The following FPR3 variants were observed in gnomAD, a reference collection of about 807,000 sequenced individuals.
The protein encoded by FPR3 is N-formyl peptide receptor 3.
For missense variants in FPR3, 346 were observed against 443.2 expected, an observed-to-expected ratio of 0.78 and a Z score of 1.97; for synonymous variants, 135 against 163.6, an observed-to-expected ratio of 0.83 and a Z score of 1.34.
At chr19:51,809,947 TGC>T (rs1380877182) in intron 1 of FPR3, among the ~76,000 whole-genome samples, 18 of 151,966 alleles carry the variant, frequency 1.2e-4, no homozygotes, top group Non-Finnish European at 1.8e-4. Context: ...AGCAGGGGGG[TGC>T]CATTCTGATG....
chr19:51,798,206 C>A (rs2084010906), intron 1 of FPR3, among the ~76,000 whole-genome samples: 2 of 152,066 alleles, frequency 1.3e-5, no homozygotes. Context: ...TACAGTGACA[C>A]CCAACTGGCA....
chr19:51,795,500 C>CTTTTTT (rs1568425551), intron 1 of FPR3, among the ~76,000 whole-genome samples, 169 bp downstream of exon 1: 2 of 61,084 alleles, frequency 3.3e-5, no homozygotes, highest in Admixed American at 1.7e-4. Context: ...GTTCCAGTAA[C>CTTTTTT]ATTCTTTTTT....
intron 1 of FPR3, among the ~76,000 whole-genome samples, chr19:51,813,005 G>A (rs112658537): frequency 0.026 from 3,892 of 151,920 alleles, 164 homozygotes; most frequent in African/African-American, 0.089. Context: ...TGTAGTTCTA[G>A]CTACTGGGGA....
chr19:51,795,504 CTTTTTTTT>C (rs58620565), intron 1 of FPR3, among the ~76,000 whole-genome samples, 173 bp downstream of exon 1: 16 of 74,740 alleles, frequency 2.1e-4, no homozygotes, highest in South Asian at 1.9e-3. Context: ...CAGTAACATT[CTTTTTTTT>C]TTTTTTTTTT....
intron 1 of FPR3, among the ~76,000 whole-genome samples, chr19:51,800,535 G>A (rs978977326): frequency 5.3e-5 from 8 of 152,166 alleles, no homozygotes; most frequent in Admixed American, 1.3e-4. Context: ...ATGATGAGGC[G>A]GTTTGGCACT....
rs754439930 is a variant in FPR3 at position 51,824,001 on chromosome 19, G to A, written c.253G>A (p.Val85Ile). 6.2e-7 allele frequency: 1 copy of A among 1,614,118 alleles called. No individual in the cohort carries two copies. Among genetic ancestry groups the A allele is most frequent in the African/African-American group, 1.3e-5 (1 of 75,034 alleles). ...CATCCTACCATTCCGAATGGTCTCA[G>A]TCGCCATGAGAGAAAAATGGCCTTT... ...SAILPFRMVS[V>I]AMREKWPFGS... is the part of the protein sequence containing the mutation. The change falls in exon 2 of 2, where the codon GTC (valine) becomes ATC (isoleucine). Residue 85 changes from valine to isoleucine, a missense_variant. Physicochemically the swap from Val to Ile is conservative, Grantham distance 29 (BLOSUM62 3). Coordinates refer to ENST00000339223, the MANE Select transcript of FPR3 (RefSeq NM_002030.5). This position sits in a 1 kb window ranked among gnomAD's most constrained non-coding sequence, Gnocchi z 4.7.
intron 1 of FPR3, among the ~76,000 whole-genome samples, chr19:51,818,748 G>T (rs2084164359): frequency 6.6e-6 from 1 of 152,202 alleles, no homozygotes; most frequent in African/African-American, 2.4e-5. Context: ...CATGGGTCCA[G>T]CACAGTGTGT....
chr19:51,800,771 C>T (rs191664535), intron 1 of FPR3, among the ~76,000 whole-genome samples: 38 of 151,964 alleles, frequency 2.5e-4, no homozygotes, highest in Admixed American at 7.9e-4. Flanking sequence ...TTTTTGGTAA[C>T]AATGTGTAAA....
chr19:51,802,705 T>G (rs1266402037), intron 1 of FPR3, among the ~76,000 whole-genome samples: 1 of 152,194 alleles, frequency 6.6e-6, no homozygotes, highest in Non-Finnish European at 1.5e-5. Flanking sequence ...TGCTGTCACC[T>G]TTTTGTATCT....
intron 1 of FPR3, among the ~76,000 whole-genome samples, chr19:51,807,941 T>C (rs2084071140): frequency 2.0e-5 from 3 of 152,376 alleles, no homozygotes; most frequent in African/African-American, 7.2e-5. Flanking sequence ...TTTGATTAGA[T>C]AGAAAGAACC....
chr19:51,805,334 C>G (rs1471703168), intron 1 of FPR3: 1 of 152,166 alleles, frequency 6.6e-6, no homozygotes, highest in Admixed American at 6.5e-5. Flanking sequence ...TTAGATAGGT[C>G]CAAGGGTTGA....
chr19:51,823,126 G>C lies in FPR3; in HGVS notation c.-10-613G>C, dbSNP rs546278431. On this transcript the variant is annotated intron_variant, in intron 1 of 1. Coordinates refer to ENST00000339223, the MANE Select transcript of FPR3 (RefSeq NM_002030.5). ...GATCCACTCTCCTCAACCTCCTAAA[G>C]TGCTGGGGTTACAGGCATGAGTCAC... Among the ~76,000 whole-genome samples, 5 of 152,252 alleles carry C rather than the reference G, an allele frequency of 3.3e-5. No homozygotes were observed. In the East Asian group the frequency reaches 9.7e-4, roughly 29 times the overall value.
At chr19:51,798,288 T>A (rs1453127414) in intron 1 of FPR3, among the ~76,000 whole-genome samples, 1 of 152,058 alleles carries the variant, frequency 6.6e-6, no homozygotes, top group Non-Finnish European at 1.5e-5. Flanking sequence ...CACTCCTGAA[T>A]GGGGAGTTGC....
chr19:51,816,038 G>A (rs62108954), intron 1 of FPR3, among the ~76,000 whole-genome samples: 1 of 149,482 alleles, frequency 6.7e-6, no homozygotes, highest in South Asian at 2.1e-4. Context: ...CTACACCCCA[G>A]ACTGGGGAAG....
intron 1 of FPR3, among the ~76,000 whole-genome samples, chr19:51,810,833 A>G (rs2084091667): frequency 6.6e-6 from 1 of 152,170 alleles, no homozygotes; most frequent in South Asian, 2.1e-4. Flanking sequence ...GGGTGTGTTC[A>G]TGAATAACCT....
chr19:51,822,865 CT>C lies in FPR3; in HGVS notation c.-10-865del, dbSNP rs202035775. On this transcript the variant is annotated intron_variant, in intron 1 of 1. Coordinates refer to ENST00000339223, the MANE Select transcript of FPR3 (RefSeq NM_002030.5). ...CTATAGGATGTAATATATTTCTGCTCTTTTTTTTTGTGGGGGGAAATGGAAT... is the reference window on the plus strand; with the variant it reads ...CTATAGGATGTAATATATTTCTGCTCTTTTTTTTGTGGGGGGAAATGGAAT... Among the ~76,000 whole-genome samples, 12 of 151,054 alleles carry C rather than the reference CT, an allele frequency of 7.9e-5. No homozygotes were observed. The South Asian group carries it at 8.4e-4, about 11-fold the overall frequency.
At chr19:51,807,376 G>A (rs2084066970) in intron 1 of FPR3, among the ~76,000 whole-genome samples, 1 of 152,210 alleles carries the variant, frequency 6.6e-6, no homozygotes, top group African/African-American at 2.4e-5. Flanking sequence ...TGGCAGCGCA[G>A]TGTGAGTTTG....
rs372763525 is a variant in FPR3 at position 51,798,977 on chromosome 19, G to A, written c.-11+3646G>A. 7.4e-4 allele frequency among the ~76,000 whole-genome samples: 113 copies of A among 152,202 alleles called. 2 individuals carry two copies. Among genetic ancestry groups the A allele is most frequent in the Middle Eastern group, 6.8e-3 (2 of 294 alleles). ...TAAAAATACAAAAAATTAGCCGGGCGTGGTGGTGGTGCCCAGCTACTGGGG... is the reference window on the plus strand; with the variant it reads ...TAAAAATACAAAAAATTAGCCGGGCATGGTGGTGGTGCCCAGCTACTGGGG... On this transcript the variant is annotated intron_variant, in intron 1 of 1. Coordinates refer to ENST00000339223, the MANE Select transcript of FPR3 (RefSeq NM_002030.5).
rs760137716 is a variant in FPR3, at chr19:51,824,477, C to A, written c.729C>A (p.Phe243Leu). 6.2e-7 allele frequency: 1 copy of A among 1,613,914 alleles called. No homozygotes were observed. The highest frequency in any genetic ancestry group is 8.5e-7 in the Non-Finnish European group (1 of 1,179,998). The change falls in exon 2 of 2, where the codon TTC becomes TTA. Residue 243 changes from phenylalanine (F) to leucine (L), a missense_variant. Coordinates refer to ENST00000339223, the MANE Select transcript of FPR3 (RefSeq NM_002030.5). The surrounding 1 kb of genome is among the most constrained non-coding windows in gnomAD (Gnocchi z 4.7). ...AATCCAGCCGTCCCTTACGTGTCTT[C>A]GCTGCTGTGGTGGCTTCTTTCTTCA... Reference protein sequence around the residue: ...MIKSSRPLRVFAAVVASFFIC... With the variant: ...MIKSSRPLRVLAAVVASFFIC...
Sources: gnomAD v4.1 joint callset for allele counts (sites outside exome capture counted in the v4.1 genomes callset) on GRCh38, gnomAD v4.1.1 for gene constraint, Gnocchi (gnomAD v3.1) non-coding constraint, MANE v1.5 for transcripts, NCBI Gene and HGNC (gene_info 2026-07-23, HGNC 2026-07-21) for gene names.